The following LRP6 variants were observed in gnomAD, a reference collection of about 807,000 sequenced individuals.
LRP6 encodes the protein low-density lipoprotein receptor-related protein 6.
Under a neutral mutation model 184.1 loss-of-function variants are expected in LRP6, and 43 were observed. The ratio of observed to expected loss-of-function variants is 0.23; its 90% CI spans 0.18 to 0.30. LRP6 has a LOEUF of 0.30. Ranked by LOEUF, LRP6 falls within the 10% of genes least tolerant of loss-of-function variation. The pLI is 1.00. For missense variants in LRP6, 1,571 were observed against 2,005.3 expected (o/e 0.78, Z 4.14); for synonymous variants, 719 against 684.9 (o/e 1.05, Z -0.78).
At position 12,262,383 on chromosome 12, in the gene LRP6, AC is replaced by A. The variant is rs550262553; in HGVS notation, c.55+4297del. Among the ~76,000 whole-genome samples, 18 of 151,914 alleles carry A rather than the reference AC, an allele frequency of 1.2e-4. No individual in the cohort carries two copies. The East Asian group carries it at 3.5e-3, about 29-fold the overall frequency. On this transcript the variant is annotated intron_variant, in intron 1 of 22. Transcript: ENST00000261349. ...GACAGGGTGAGATACCGTCTCAAAA[AC>A]CAAAAAAATACAAAAATACAAAAAT...
rs150303663 is a variant in LRP6 at position 12,133,914 on chromosome 12, C to G, written c.3733+1261G>C. Among the ~76,000 whole-genome samples the G allele has an allele frequency of 2.1e-3, 300 of 144,774 alleles. 2 individuals carry two copies. Among genetic ancestry groups the G allele is most frequent in the African/African-American group, 7.5e-3 (291 of 39,030 alleles). The allele number at this position is 144,774 out of a possible 152,430, so 95.0% of individuals were successfully genotyped here. On this transcript the variant is annotated intron_variant, in intron 17 of 22. Coordinates refer to ENST00000261349, the MANE Select transcript of LRP6 (RefSeq NM_002336.3). ...AATTTAACCACTTTAAAGTGCATAGCTCAATGACATTAAGTACATTCACAT... is the reference window on the plus strand; with the variant it reads ...AATTTAACCACTTTAAAGTGCATAGGTCAATGACATTAAGTACATTCACAT...
At chr12:12,204,435 T>G (rs1393281064) in intron 2 of LRP6, among the ~76,000 whole-genome samples, 1 of 152,044 alleles carries the variant, frequency 6.6e-6, no homozygotes, top group Non-Finnish European at 1.5e-5. Context: ...GCAAAACTGA[T>G]GTAGTGTCAA....
intron 2 of LRP6, among the ~76,000 whole-genome samples, chr12:12,207,488 T>C (rs1404687161): frequency 1.3e-5 from 2 of 151,994 alleles, no homozygotes; most frequent in Non-Finnish European, 2.9e-5. Flanking sequence ...GAGCCAAGAT[T>C]GCACCACCGC....
At chr12:12,202,518 G>A (rs559284196) in intron 3 of LRP6, among the ~76,000 whole-genome samples, 4 of 152,292 alleles carry the variant, frequency 2.6e-5, no homozygotes, top group South Asian at 4.1e-4. Context: ...ATTCCAGCCC[G>A]GATGACAAGG....
intron 1 of LRP6, chr12:12,248,989 G>C: frequency 1.8e-6 from 1 of 556,326 alleles, no homozygotes; most frequent in Non-Finnish European, 3.2e-6. Context: ...AGCAACACAA[G>C]GTGGCAGCCA....
At chr12:12,200,093 G>A (rs1413168314) in intron 3 of LRP6, among the ~76,000 whole-genome samples, 1 of 151,708 alleles carries the variant, frequency 6.6e-6, no homozygotes, top group Non-Finnish European at 1.5e-5. Context: ...ATGAGTGCAT[G>A]AGGGTGATCT....
At chr12:12,187,229 T>TAC in intron 3 of LRP6, 110 bp from the exon 4 acceptor site, 1 of 847,928 alleles carries the variant, frequency 1.2e-6, no homozygotes, top group Non-Finnish European at 2.0e-6. Context: ...CATACAAATC[T>TAC]TGAGTAATAC....
chr12:12,130,523 C>A (rs1268211203), intron 19 of LRP6, among the ~76,000 whole-genome samples: 1 of 152,172 alleles, frequency 6.6e-6, no homozygotes, highest in South Asian at 2.1e-4. Context: ...AATTTTGTAA[C>A]TTTGGTTATA....
At chr12:12,184,170 C>G in intron 4 of LRP6, 59 bp from the exon 5 acceptor site, 1 of 1,503,844 alleles carries the variant, frequency 6.6e-7, no homozygotes, top group Non-Finnish European at 9.2e-7. Context: ...CAAAGGTTAA[C>G]AACCATAACA....
At position 12,236,555 on chromosome 12, in the gene LRP6, ACTAT is replaced by A. The variant is rs199813261; in HGVS notation, c.449+7703_449+7706del. 8.0e-3 allele frequency among the ~76,000 whole-genome samples: 1,222 copies of A among 152,252 alleles called. 20 individuals are homozygous for A. Among genetic ancestry groups the A allele is most frequent in the Admixed American group, 0.037 (567 of 15,292 alleles). ...TCCTACAAGCCAGTTCAATTCTGAC[ACTAT>A]CTATGTGAAGACAGCATCAGATCCC... On this transcript the variant is annotated intron_variant, in intron 2 of 22. Coordinates refer to ENST00000261349, the MANE Select transcript of LRP6 (RefSeq NM_002336.3).
At chr12:12,239,421 A>G (rs1057025864) in intron 2 of LRP6, among the ~76,000 whole-genome samples, 1 of 152,244 alleles carries the variant, frequency 6.6e-6, no homozygotes, top group Admixed American at 6.5e-5. Context: ...CAATGGAAAC[A>G]GTACAAAACT....
At chr12:12,258,584 G>C (rs918770199) in intron 1 of LRP6, among the ~76,000 whole-genome samples, 15 of 152,136 alleles carry the variant, frequency 9.9e-5, no homozygotes, top group Non-Finnish European at 2.1e-4. Flanking sequence ...TGCATATAAA[G>C]GGGAAAAAGG....
chr12:12,165,886 G>A (rs762481092), intron 7 of LRP6, among the ~76,000 whole-genome samples: 16 of 151,970 alleles, frequency 1.1e-4, no homozygotes, highest in African/African-American at 3.1e-4. Flanking sequence ...CAAAAGTATC[G>A]GGATTATATG....
intron 13 of LRP6, among the ~76,000 whole-genome samples, chr12:12,149,491 G>T (rs937859873): frequency 6.6e-5 from 10 of 152,168 alleles, no homozygotes; most frequent in African/African-American, 2.4e-4. Flanking sequence ...CCACACCCTA[G>T]AAATATCTCT....
intron 12 of LRP6, among the ~76,000 whole-genome samples, chr12:12,157,240 C>T (rs142448230): frequency 6.6e-6 from 1 of 152,154 alleles, no homozygotes; most frequent in Non-Finnish European, 1.5e-5. Context: ...TGCTTCCTCC[C>T]TTTCTTTCCC....
At chr12:12,236,967 C>T (rs1433128999) in intron 2 of LRP6, among the ~76,000 whole-genome samples, 1 of 152,046 alleles carries the variant, frequency 6.6e-6, no homozygotes, top group Non-Finnish European at 1.5e-5. Flanking sequence ...GCTCTATCTC[C>T]AGTCCCTCTC....
At chr12:12,239,396 G>A (rs1274063544) in intron 2 of LRP6, among the ~76,000 whole-genome samples, 4 of 152,190 alleles carry the variant, frequency 2.6e-5, no homozygotes, top group Non-Finnish European at 5.9e-5. Flanking sequence ...GAAAGGCACG[G>A]TCCAAGTGGT....
Position 12,187,149 on chromosome 12 carries a change from T to TA in LRP6, c.648-31dup. On this transcript the variant is annotated intron_variant, in intron 3 of 22. Transcript: ENST00000261349. ...TAACATAAAGAGAAAAATTTAAACTTATTTCTAAATTTTCTTCTTCTATCA... is the reference window on the plus strand; with the variant it reads ...TAACATAAAGAGAAAAATTTAAACTTAATTTCTAAATTTTCTTCTTCTATCA... 1.9e-6 allele frequency: 3 copies of TA among 1,590,514 alleles called. No individual in the cohort carries two copies. In the Admixed American group the frequency reaches 5.0e-5, roughly 27 times the overall value.
At chr12:12,259,450 G>A (rs1865557665) in intron 1 of LRP6, among the ~76,000 whole-genome samples, 1 of 151,988 alleles carries the variant, frequency 6.6e-6, no homozygotes, top group Non-Finnish European at 1.5e-5. Flanking sequence ...ACTTATACAA[G>A]GTCCTTCCAA....
Sources: gnomAD v4.1 joint callset for allele counts (sites outside exome capture counted in the v4.1 genomes callset) on GRCh38, gnomAD v4.1.1 for gene constraint, MANE v1.5 for transcripts, NCBI Gene and HGNC (gene_info 2026-07-23, HGNC 2026-07-21) for gene names.